The following ESR1 variants were observed in gnomAD, a reference collection of about 807,000 sequenced individuals.
The protein encoded by ESR1 is estrogen receptor.
A neutral mutation model predicts 52.7 loss-of-function variants in ESR1; 12 were observed. That is an observed-to-expected ratio of 0.23 (90% CI 0.15 to 0.37). The LOEUF is 0.37. Ranked by LOEUF, ESR1 falls within the 10% of genes least tolerant of loss-of-function variation. ESR1 has a pLI of 1.00. For synonymous variants in ESR1, 305 were observed against 316.8 expected (o/e 0.96, Z 0.39); for missense variants, 584 against 779.7 (o/e 0.75, Z 2.99).
At chr6:151,954,556 G>A (rs1326700771) in intron 4 of ESR1, among the ~76,000 whole-genome samples, 3 of 152,238 alleles carry the variant, frequency 2.0e-5, no homozygotes, top group African/African-American at 2.4e-5. Context: ...CCAATAAAAC[G>A]GTGGGCAGTT....
At chr6:152,079,672 G>T (rs1252137370) in intron 6 of ESR1, among the ~76,000 whole-genome samples, 1 of 152,098 alleles carries the variant, frequency 6.6e-6, no homozygotes, top group Non-Finnish European at 1.5e-5. Flanking sequence ...GCTTCAGAAG[G>T]TCGGTAATAA....
At chr6:152,003,844 G>A (rs1047497278) in intron 4 of ESR1, among the ~76,000 whole-genome samples, 2 of 151,660 alleles carry the variant, frequency 1.3e-5, no homozygotes, top group African/African-American at 2.4e-5. Flanking sequence ...TGTATATATC[G>A]TGATCAGAAT....
At chr6:151,665,183 G>T (rs1314815355) in intron 1 of ESR1, among the ~76,000 whole-genome samples, 1 of 152,120 alleles carries the variant, frequency 6.6e-6, no homozygotes, top group African/African-American at 2.4e-5. Context: ...ACCTAGCATG[G>T]TCGCCTTGAA....
At chr6:151,723,961 G>A (rs906338588) in intron 2 of ESR1, among the ~76,000 whole-genome samples, 20 of 152,018 alleles carry the variant, frequency 1.3e-4, no homozygotes, top group African/African-American at 4.6e-4. Flanking sequence ...AATGAAAAAG[G>A]CATAGGTACA....
chr6:152,104,102 C>T (rs1397861883), downstream of ESR1, among the ~76,000 whole-genome samples: 1 of 145,516 alleles, frequency 6.9e-6, no homozygotes, highest in African/African-American at 2.7e-5. Context: ...ATGAAGACCA[C>T]ATGGTTCGCT....
intron 5 of ESR1, among the ~76,000 whole-genome samples, chr6:152,044,638 A>C (rs1019059720): frequency 6.6e-6 from 1 of 151,956 alleles, no homozygotes; most frequent in African/African-American, 2.4e-5. Context: ...CTAAGAGTTC[A>C]AAAGCTGAAG....
chr6:152,038,636 C>CT (rs201087499), intron 5 of ESR1, among the ~76,000 whole-genome samples: 4,594 of 148,446 alleles, frequency 0.031, 149 homozygotes, highest in East Asian at 0.14. Context: ...TCAATAAATA[C>CT]TTTTTTTTTT....
intron 6 of ESR1, chr6:152,122,453 C>A (rs753871708): frequency 6.2e-7 from 1 of 1,614,160 alleles, no homozygotes; most frequent in South Asian, 1.1e-5. Flanking sequence ...GGAGGAGGGC[C>A]ATTCGTGTAT....
chr6:151,777,687 T>G lies in ESR1; in HGVS notation c.-70-30156T>G, dbSNP rs146310739. Reference sequence around the variant, plus strand: ...TTAAAATGTACAATAGGGCTGGGTATAGTGGCTCATGCCTGTAATCCTAGC... The same window carrying G: ...TTAAAATGTACAATAGGGCTGGGTAGAGTGGCTCATGCCTGTAATCCTAGC... On this transcript the variant is annotated intron_variant, in intron 2 of 2. Coordinates refer to the ESR1 transcript ENST00000404742. Among the ~76,000 whole-genome samples the G allele has an allele frequency of 5.1e-3, 769 of 152,198 alleles. 6 individuals are homozygous for G. The highest frequency in any genetic ancestry group is 0.014 in the Middle Eastern group (4 of 294).
intron 6 of ESR1, among the ~76,000 whole-genome samples, chr6:152,120,760 G>A (rs936749388): frequency 6.6e-6 from 1 of 152,112 alleles, no homozygotes; most frequent in Admixed American, 6.5e-5. Context: ...AAGCAAGCCC[G>A]GGACTTGGAA....
intron 3 of ESR1, among the ~76,000 whole-genome samples, chr6:151,942,338 G>A (rs1042615945): frequency 1.3e-5 from 2 of 152,150 alleles, no homozygotes; most frequent in Non-Finnish European, 2.9e-5. Context: ...CTTCTTTTCA[G>A]AGCCAGAATC....
chr6:151,780,184 A>G (rs1786413618), intron 2 of ESR1, among the ~76,000 whole-genome samples: 1 of 151,898 alleles, frequency 6.6e-6, no homozygotes, highest in Non-Finnish European at 1.5e-5. Context: ...AGGGAGGGGA[A>G]CATCACACAC....
intron 2 of ESR1, among the ~76,000 whole-genome samples, chr6:151,854,315 C>T (rs1325335126): frequency 2.0e-5 from 3 of 152,022 alleles, no homozygotes; most frequent in South Asian, 2.1e-4. Flanking sequence ...TTTCCACTTA[C>T]GTGTGGGTTA....
In ESR1 at chr6:152,092,931, C is replaced by T. The variant is rs966716516; in HGVS notation, c.1370-1454C>T. 1.1e-4 allele frequency among the ~76,000 whole-genome samples: 16 copies of T among 152,202 alleles called. No individual in the cohort carries two copies. In the South Asian group the frequency reaches 1.7e-3, roughly 16 times the overall value. On this transcript the variant is annotated intron_variant, in intron 6 of 7. Coordinates refer to ENST00000206249, the MANE Select transcript of ESR1 (RefSeq NM_000125.4). The stretch of plus-strand genomic sequence containing the variant: ...TAAGCAAAAAGGGGATTCACTGATA[C>T]GTGTGTTAGGAAGGATATATGAAAG...
intron 1 of ESR1, 119 bp downstream of exon 1, chr6:151,808,483 G>T: frequency 1.1e-6 from 1 of 900,168 alleles, no homozygotes; most frequent in Non-Finnish European, 1.5e-6. Context: ...GCGACCCGAG[G>T]GTGCGCGCAG....
intron 4 of ESR1, among the ~76,000 whole-genome samples, chr6:152,011,145 T>C (rs2042731582): frequency 2.6e-5 from 4 of 152,134 alleles, no homozygotes; most frequent in African/African-American, 9.7e-5. Flanking sequence ...TATATGGAGT[T>C]TTCTGAGTCT....
chr6:151,749,602 G>T (rs1783749039), intron 2 of ESR1, among the ~76,000 whole-genome samples: 1 of 152,150 alleles, frequency 6.6e-6, no homozygotes, highest in Non-Finnish European at 1.5e-5. Flanking sequence ...CATGGAAATT[G>T]TACACATTAC....
chr6:151,842,893 A>T, intron 2 of ESR1, 106 bp downstream of exon 2: 1 of 933,678 alleles, frequency 1.1e-6, no homozygotes, highest in Non-Finnish European at 1.7e-6. Context: ...TGTACAAAAC[A>T]TGAATCCCTA....
intron 2 of ESR1, among the ~76,000 whole-genome samples, chr6:151,868,487 A>G (rs1276605240): frequency 2.0e-5 from 3 of 152,052 alleles, no homozygotes; most frequent in African/African-American, 4.8e-5. Context: ...AGTTATCACC[A>G]GTGTCTATTG....
Sources: allele counts gnomAD v4.1 joint callset (sites outside exome capture counted in the v4.1 genomes callset), GRCh38; gene constraint gnomAD v4.1.1; transcripts MANE v1.5; gene names NCBI Gene and HGNC (gene_info 2026-07-23, HGNC 2026-07-21).